RSPH9: variants seen among roughly 807,000 people sequenced by gnomAD.
RSPH9 encodes the protein radial spoke head protein 9 homolog.
Under a neutral mutation model 27.0 loss-of-function variants are expected in RSPH9, and 27 were observed. The observed-to-expected ratio is 1.00, with a 90% confidence interval of 0.74 to 1.38. RSPH9 has a LOEUF of 1.38. RSPH9 is among the 40% of genes most tolerant of loss of function. RSPH9 has a pLI of 0.00. For missense variants in RSPH9, 347 were observed against 357.4 expected, an observed-to-expected ratio of 0.97 and a Z score of 0.24; for synonymous variants, 145 against 147.7, an observed-to-expected ratio of 0.98 and a Z score of 0.13.
chr6:43,659,339 C>T (rs951650441), intron 4 of RSPH9, among the ~76,000 whole-genome samples: 7 of 151,908 alleles, frequency 4.6e-5, no homozygotes, highest in African/African-American at 1.7e-4. Context: ...TATCCTGCCT[C>T]AGCTTACTGA....
intron 4 of RSPH9, among the ~76,000 whole-genome samples, chr6:43,667,950 C>T (rs1013868623): frequency 2.6e-5 from 4 of 152,264 alleles, no homozygotes; most frequent in East Asian, 3.9e-4. Flanking sequence ...AGAGTAAGTA[C>T]GCCCTAGCCT....
chr6:43,654,451 G>C (rs1179239903), intron 2 of RSPH9, among the ~76,000 whole-genome samples: 1 of 152,176 alleles, frequency 6.6e-6, no homozygotes, highest in African/African-American at 2.4e-5. Context: ...CACTTTGAAG[G>C]CTGAGGCAGG....
chr6:43,646,388 C>G (rs1379130373), intron 1 of RSPH9, among the ~76,000 whole-genome samples: 6 of 151,876 alleles, frequency 4.0e-5, no homozygotes, highest in African/African-American at 1.5e-4. Context: ...TCCGCCTCAG[C>G]CTCCCAAAGT....
intron 2 of RSPH9, among the ~76,000 whole-genome samples, chr6:43,654,827 A>G (rs1207791538): frequency 1.3e-5 from 2 of 152,168 alleles, no homozygotes; most frequent in African/African-American, 4.8e-5. Flanking sequence ...TGTCTCAGAA[A>G]TAAATAAATA....
At chr6:43,667,240 C>T (rs1225339032) in intron 4 of RSPH9, among the ~76,000 whole-genome samples, 1 of 152,220 alleles carries the variant, frequency 6.6e-6, no homozygotes, top group Non-Finnish European at 1.5e-5. Flanking sequence ...CTAGAGGGTG[C>T]CTTGCAAGCA....
In RSPH9 at chr6:43,645,088, C is replaced by T; in HGVS notation, c.-11C>T. ...GCAACTCGACGGGCGTTGAGCGGAG[C>T]CGCTGACCTGATGGACGCCGACAGC... On this transcript the variant is annotated 5_prime_UTR_variant, in exon 1 of 5. Transcript: ENST00000372163. 6.2e-7 allele frequency: 1 copy of T among 1,608,340 alleles called. No homozygotes were observed. The highest frequency in any genetic ancestry group is 8.5e-7 in the Non-Finnish European group (1 of 1,178,858).
chr6:43,662,592 C>A (rs1772744402), intron 4 of RSPH9, among the ~76,000 whole-genome samples: 1 of 152,108 alleles, frequency 6.6e-6, no homozygotes, highest in African/African-American at 2.4e-5. Context: ...TGGTCTCGAT[C>A]TCCTGACCTT....
Position 43,672,227 on chromosome 6 carries a change from G to A in RSPH9, c.*1278G>A, listed in dbSNP as rs1017097231. On this transcript the variant is annotated 3_prime_UTR_variant, in exon 5 of 5. Transcript: ENST00000372163. ...TGGCGAAGAGGCTGCCTGAAGAGCA[G>A]ATCATTCCTCTCTGGCCTCAGCCAT... The A allele has an allele frequency of 4.4e-6, 2 of 452,026 alleles. No homozygotes were observed. Among genetic ancestry groups the A allele is most frequent in the Non-Finnish European group, 8.7e-6 (2 of 231,202 alleles). The allele number at this position is 452,026 out of a possible 1,614,324, so 28.0% of individuals were successfully genotyped here.
At chr6:43,650,566 G>A (rs1203840567) in intron 2 of RSPH9, 26 bp downstream of exon 2, 1 of 1,613,216 alleles carries the variant, frequency 6.2e-7, no homozygotes, top group Non-Finnish European at 8.5e-7. Flanking sequence ...AGCAGGAGGA[G>A]GGCCTAAAAG....
chr6:43,656,782 T>C, intron 4 of RSPH9, 59 bp downstream of exon 4: 1 of 1,562,726 alleles, frequency 6.4e-7, no homozygotes, highest in Non-Finnish European at 8.8e-7. Flanking sequence ...CAGTGGGCCA[T>C]GCCACCTGCC....
At chr6:43,663,724 TATAATA>T (rs771480889) in intron 4 of RSPH9, among the ~76,000 whole-genome samples, 22 of 151,816 alleles carry the variant, frequency 1.4e-4, no homozygotes, top group Non-Finnish European at 2.1e-4. Flanking sequence ...CCATAACACA[TATAATA>T]ATAATAACAA....
chr6:43,656,058 TTCTTTC>T (rs1561940256), intron 3 of RSPH9, among the ~76,000 whole-genome samples: 31 of 145,416 alleles, frequency 2.1e-4, no homozygotes, highest in African/African-American at 7.5e-4. Flanking sequence ...CTTCTTTCCC[TTCTTTC>T]CCTCCTTCCC....
intron 4 of RSPH9, among the ~76,000 whole-genome samples, chr6:43,658,273 C>T (rs1411043689): frequency 9.5e-6 from 1 of 104,800 alleles, no homozygotes; most frequent in Non-Finnish European, 1.8e-5. Flanking sequence ...CCTGGGGCAA[C>T]AGCGCAAAAC....
At chr6:43,663,063 G>A (rs1335156974) in intron 4 of RSPH9, among the ~76,000 whole-genome samples, 1 of 151,974 alleles carries the variant, frequency 6.6e-6, no homozygotes, top group Non-Finnish European at 1.5e-5. Flanking sequence ...CTCCTAAAGT[G>A]CTGGGATTAC....
chr6:43,650,701 T>C (rs999192480), intron 2 of RSPH9, among the ~76,000 whole-genome samples, 161 bp downstream of exon 2: 2 of 151,928 alleles, frequency 1.3e-5, no homozygotes, highest in Admixed American at 6.6e-5. Flanking sequence ...GGTCAGGAGA[T>C]TGAGACCATC....
At chr6:43,665,294 T>C (rs1582396482) in intron 4 of RSPH9, among the ~76,000 whole-genome samples, 2 of 152,346 alleles carry the variant, frequency 1.3e-5, no homozygotes, top group East Asian at 1.9e-4. Flanking sequence ...CAGCTGTCTT[T>C]CCTTGCAACA....
rs778726107 is a variant in RSPH9, at chr6:43,655,638, G to C, written c.470G>C (p.Gly157Ala). ...IDKAVAIIPR[G>A]ALFKTPFGPT... ...AAGGCTGTGGCCATCATCCCCCGAGGCGCCCTCTTCAAGACCCCTTTTGGA... is the reference window on the plus strand; with the variant it reads ...AAGGCTGTGGCCATCATCCCCCGAGCCGCCCTCTTCAAGACCCCTTTTGGA... Residue 157 changes from glycine (G) to alanine (A), a missense_variant, in exon 3 of 5, where the codon GGC becomes GCC. By Grantham distance (60) the Gly-to-Ala change is moderately conservative (BLOSUM62 0). Transcript: ENST00000372163. The C allele has an allele frequency of 3.7e-6, 6 of 1,614,120 alleles. No homozygotes were observed. The African/African-American group carries it at 8.0e-5, about 22-fold the overall frequency.
At position 43,645,307 on chromosome 6, in the gene RSPH9, C is replaced by A. The variant is rs773158656; in HGVS notation, c.209C>A (p.Pro70Gln). 3 of 1,611,420 alleles carry A rather than the reference C, an allele frequency of 1.9e-6. No individual in the cohort carries two copies. The highest frequency in any genetic ancestry group is 1.1e-5 in the South Asian group (1 of 91,042). ...AQGLSEDQLA[P>Q]RKTLYSLNCT... is the part of the protein sequence containing the mutation. The stretch of plus-strand genomic sequence containing the variant: ...GGCCTGAGTGAGGACCAGCTCGCAC[C>A]GCGCAAGACGCTCTATAGGTGAGGA... The change falls in exon 1 of 5, where the codon CCG (proline) becomes CAG (glutamine). Residue 70 changes from proline (P) to glutamine (Q), a missense_variant. By Grantham distance (76) the Pro-to-Gln change is moderately conservative (BLOSUM62 -1). Transcript: ENST00000372163.
intron 1 of RSPH9, among the ~76,000 whole-genome samples, chr6:43,646,210 C>T (rs2127879632): frequency 6.6e-6 from 1 of 152,200 alleles, no homozygotes; most frequent in East Asian, 1.9e-4. Flanking sequence ...CGGCTCACTG[C>T]AAGCTCCGCC....
Sources: allele counts gnomAD v4.1 joint callset (sites outside exome capture counted in the v4.1 genomes callset), GRCh38; gene constraint gnomAD v4.1.1; transcripts MANE v1.5; gene names NCBI Gene and HGNC (gene_info 2026-07-23, HGNC 2026-07-21).